The following SOS1 variants were observed in gnomAD, a reference collection of about 807,000 sequenced individuals.
SOS1 encodes the protein son of sevenless homolog 1.
A neutral mutation model predicts 157.6 loss-of-function variants in SOS1; 25 were observed. That is an observed-to-expected ratio of 0.16 (90% CI 0.12 to 0.22). The LOEUF (loss-of-function observed/expected upper bound fraction) is 0.22, where lower values mean the gene tolerates loss of function less well. Ranked by LOEUF, SOS1 falls within the 10% of genes least tolerant of loss-of-function variation. SOS1 has a pLI of 1.00. For synonymous variants in SOS1, 528 were observed against 534.0 expected (o/e 0.99, Z 0.16); for missense variants, 1,237 against 1,599.1 (o/e 0.77, Z 3.86).
rs1429516213 is a variant in SOS1 at position 38,986,078 on chromosome 2, GGAA to G, written c.3745_3747del (p.Phe1249del). 1 of 1,613,818 alleles carries G rather than the reference GGAA, an allele frequency of 6.2e-7. No homozygotes were observed. The highest frequency in any genetic ancestry group is 8.5e-7 in the Non-Finnish European group (1 of 1,179,932). ...GGTGTAAAGGGGGAAGGGCTGTTTG[GGAA>G]GAAGGCATTGCCATGGTCACTTTTT... On this transcript the variant is annotated inframe_deletion, in exon 23 of 23. Coordinates refer to ENST00000402219, the MANE Select transcript of SOS1 (RefSeq NM_005633.4).
In SOS1 at chr2:39,010,542, T is replaced by G. The variant is rs182941759; in HGVS notation, c.2510+42A>C. The G allele has an allele frequency of 3.2e-6, 5 of 1,574,500 alleles. No homozygotes were observed. In the East Asian group the frequency reaches 1.1e-4, roughly 35 times the overall value. On this transcript the variant is annotated intron_variant, in intron 15 of 22. Transcript: ENST00000402219. Reference sequence around the variant, plus strand: ...AAAAATTGCATTGAAATTCATAACATAGCTGACAGCTATAAAATATAAGAA... The same window carrying G: ...AAAAATTGCATTGAAATTCATAACAGAGCTGACAGCTATAAAATATAAGAA...
chr2:39,122,590 C>CT (rs907869418), upstream of SOS1, among the ~76,000 whole-genome samples: 1 of 152,000 alleles, frequency 6.6e-6, no homozygotes, highest in African/African-American at 2.4e-5. Context: ...CGAGACCCAT[C>CT]TTTATTGTTT....
chr2:39,066,873 T>C (rs1671604789), intron 2 of SOS1, among the ~76,000 whole-genome samples: 2 of 152,218 alleles, frequency 1.3e-5, no homozygotes, highest in Non-Finnish European at 1.5e-5. Flanking sequence ...CTTGGACATA[T>C]GCCACTCCTA....
intron 2 of SOS1, among the ~76,000 whole-genome samples, chr2:39,065,929 A>T (rs1671574364): frequency 6.6e-6 from 1 of 152,218 alleles, no homozygotes; most frequent in Admixed American, 6.5e-5. Context: ...ACAAAGTTTA[A>T]ATGAAATGTA....
chr2:38,986,216 T>C lies in SOS1; in HGVS notation c.3610A>G (p.Ile1204Val), dbSNP rs374497013. 2.5e-6 allele frequency: 4 copies of C among 1,613,756 alleles called. 1 individual carries two copies. The highest frequency in any genetic ancestry group is 2.2e-5 in the South Asian group (2 of 91,076). Residue 1204 changes from isoleucine to valine, a missense_variant, in exon 23 of 23, where the codon ATC becomes GTC. This residue lies in a region of SOS1 where 306 missense variants were observed against 322.6 expected (regional missense o/e 0.95). Transcript: ENST00000402219. ...GGAGGGCTTTCAGGAGGGTCTGAGATAGAGGTCCGGTCTGATATTGAATAT... is the reference window on the plus strand; with the variant it reads ...GGAGGGCTTTCAGGAGGGTCTGAGACAGAGGTCCGGTCTGATATTGAATAT... ...PRYSISDRTS[I>V]SDPPESPPLL...
In SOS1 at chr2:39,041,961, A is replaced by G. The variant is rs187344224; in HGVS notation, c.865-6461T>C. Among the ~76,000 whole-genome samples, 22 of 152,286 alleles carry G rather than the reference A, an allele frequency of 1.4e-4. No homozygotes were observed. In the East Asian group the frequency reaches 3.5e-3, roughly 24 times the overall value. On this transcript the variant is annotated intron_variant, in intron 6 of 22. Coordinates refer to ENST00000402219, the MANE Select transcript of SOS1 (RefSeq NM_005633.4). ...ATTTAACCAGGTATGACCCAGTGTC[A>G]TTTATTAATGAGTTCACTCTTTCTC...
At chr2:38,991,291 T>G (rs990429834) in intron 20 of SOS1, among the ~76,000 whole-genome samples, 2 of 152,092 alleles carry the variant, frequency 1.3e-5, no homozygotes, top group Non-Finnish European at 1.5e-5. Flanking sequence ...GCAAATATAT[T>G]TGGGATTAGA....
At chr2:39,099,532 G>A (rs1672891028) in intron 1 of SOS1, among the ~76,000 whole-genome samples, 1 of 152,078 alleles carries the variant, frequency 6.6e-6, no homozygotes, top group Non-Finnish European at 1.5e-5. Context: ...GCACAGCTCT[G>A]TAAATATACT....
intron 1 of SOS1, among the ~76,000 whole-genome samples, chr2:39,091,855 T>C (rs1281964454): frequency 6.6e-6 from 1 of 152,182 alleles, no homozygotes; most frequent in Non-Finnish European, 1.5e-5. Flanking sequence ...CTTCTTCATT[T>C]AACTTCCAAG....
intron 1 of SOS1, among the ~76,000 whole-genome samples, chr2:39,108,159 C>T (rs1031056500): frequency 6.6e-6 from 1 of 152,174 alleles, no homozygotes; most frequent in African/African-American, 2.4e-5. Context: ...GCCTCTAAAT[C>T]TCTCTAATTA....
chr2:39,114,185 T>TC (rs1317229397), intron 1 of SOS1, among the ~76,000 whole-genome samples: 7 of 152,110 alleles, frequency 4.6e-5, no homozygotes, highest in African/African-American at 1.2e-4. Context: ...AGCCTCAACA[T>TC]CCCAGGCTCA....
intron 20 of SOS1, among the ~76,000 whole-genome samples, chr2:38,994,637 T>G (rs1302286126): frequency 2.0e-5 from 3 of 152,192 alleles, no homozygotes; most frequent in Admixed American, 2.0e-4. Context: ...CTGAAAAATC[T>G]CAAAACTTCC....
rs539883473 is a variant in SOS1 at position 38,984,820 on chromosome 2, T to C, written c.*1004A>G. 1 of 152,308 alleles carries C rather than the reference T, an allele frequency of 6.6e-6. No individual in the cohort carries two copies. The highest frequency in any genetic ancestry group is 2.4e-5 in the African/African-American group (1 of 41,566). 9.4% of individuals were successfully genotyped at this position (152,308 alleles called of 1,614,324 possible). A position where few individuals can be genotyped will look rare whatever the true frequency, so the allele number is the denominator to read the frequency against. On this transcript the variant is annotated 3_prime_UTR_variant, in exon 23 of 23. Coordinates refer to ENST00000402219, the MANE Select transcript of SOS1 (RefSeq NM_005633.4). ...CACTATATACATATGATTTAGGCAA[T>C]GCAAGATAATTCTAGATATGCTGAT...
At chr2:39,046,498 T>C in intron 6 of SOS1, among the ~76,000 whole-genome samples, 1 of 1,444 alleles carries the variant, frequency 6.9e-4, no homozygotes, top group African/African-American at 2.3e-3. Context: ...ACAGTGTCTT[T>C]TTTTTTTTTT....
chr2:39,005,587 A>T (rs1669258184), intron 17 of SOS1, among the ~76,000 whole-genome samples: 1 of 152,174 alleles, frequency 6.6e-6, no homozygotes, highest in South Asian at 2.1e-4. Context: ...CAGCAAAAAG[A>T]TTAGAAGTAA....
chr2:39,074,341 T>C (rs992812948), intron 1 of SOS1, among the ~76,000 whole-genome samples: 9 of 134,004 alleles, frequency 6.7e-5, no homozygotes, highest in Admixed American at 2.4e-4. Flanking sequence ...CAGAGTGAGA[T>C]TGCATCTCAG....
chr2:39,081,937 T>A (rs780807782), intron 1 of SOS1, among the ~76,000 whole-genome samples: 2 of 152,204 alleles, frequency 1.3e-5, no homozygotes, highest in African/African-American at 4.8e-5. Flanking sequence ...TGTGGGTACA[T>A]AGGTGCATAT....
intron 8 of SOS1, among the ~76,000 whole-genome samples, chr2:39,033,280 C>G (rs981078873): frequency 3.3e-5 from 5 of 150,818 alleles, no homozygotes; most frequent in South Asian, 2.1e-4. Flanking sequence ...AATTTCCTGC[C>G]CAATATACTG....
intron 6 of SOS1, among the ~76,000 whole-genome samples, chr2:39,038,463 C>T (rs549481297): frequency 1.3e-4 from 20 of 151,912 alleles, no homozygotes; most frequent in African/African-American, 3.6e-4. Context: ...TGGCTGGGCG[C>T]GGTGGCTCAC....
Sources: allele counts gnomAD v4.1 joint callset (sites outside exome capture counted in the v4.1 genomes callset), GRCh38; gene constraint gnomAD v4.1.1; regional missense constraint gnomAD v4.1.1; transcripts MANE v1.5; gene names NCBI Gene and HGNC (gene_info 2026-07-23, HGNC 2026-07-21).